Variants in BAIAP2L1 observed in about 807,000 individuals in gnomAD.
BAIAP2L1 encodes the protein BAR/IMD domain containing adaptor protein 2 like 1.
A neutral mutation model predicts 66.3 loss-of-function variants in BAIAP2L1; 35 were observed. That is an observed-to-expected ratio of 0.53 (90% CI 0.40 to 0.70). The LOEUF (loss-of-function observed/expected upper bound fraction) is 0.70. BAIAP2L1 is among the 30% of genes least tolerant of loss of function. BAIAP2L1 has a pLI of 0.00. For synonymous variants in BAIAP2L1, 269 were observed against 248.7 expected (o/e 1.08, Z -0.77); for missense variants, 622 against 656.9 (o/e 0.95, Z 0.58).
At chr7:98,327,904 A>G (rs1801409547) in intron 3 of BAIAP2L1, among the ~76,000 whole-genome samples, 2 of 152,296 alleles carry the variant, frequency 1.3e-5, no homozygotes, top group South Asian at 4.1e-4. Context: ...AATATTATTA[A>G]CGCTTTGCTT....
chr7:98,378,049 T>C (rs889550856), intron 1 of BAIAP2L1, among the ~76,000 whole-genome samples: 4 of 151,260 alleles, frequency 2.6e-5, no homozygotes, highest in Admixed American at 2.0e-4. Flanking sequence ...TGTGGGAAGC[T>C]GAGACAGGAG....
chr7:98,323,216 T>C (rs1801296864), intron 3 of BAIAP2L1: 1 of 152,192 alleles, frequency 6.6e-6, no homozygotes, highest in South Asian at 2.1e-4. Flanking sequence ...GCCAAGAGCA[T>C]AATTCCATTA....
In BAIAP2L1 at chr7:98,292,965, TGGGG is replaced by T; in HGVS notation, c.*552_*555del. The T allele has an allele frequency of 8.2e-7, 1 of 1,215,034 alleles. No individual in the cohort carries two copies. The highest frequency in any genetic ancestry group is 1.0e-6 in the Non-Finnish European group (1 of 975,668). The allele number at this position is 1,215,034 out of a possible 1,614,324, so 75.3% of individuals were successfully genotyped here. ...AGCTCTGGCGTGGTTGGAGGGAGGGTGGGGGTTTCTCCATCTCTGGAAGCTCTAC... is the reference window on the plus strand; with the variant it reads ...AGCTCTGGCGTGGTTGGAGGGAGGGTGTTTCTCCATCTCTGGAAGCTCTAC... On this transcript the variant is annotated 3_prime_UTR_variant, in exon 14 of 14. Coordinates refer to ENST00000005260, the MANE Select transcript of BAIAP2L1 (RefSeq NM_018842.5).
At chr7:98,360,116 A>AT (rs1361180880) in intron 2 of BAIAP2L1, among the ~76,000 whole-genome samples, 1 of 151,530 alleles carries the variant, frequency 6.6e-6, no homozygotes, top group East Asian at 1.9e-4. Flanking sequence ...AGAGACAGGG[A>AT]TTTACCATTT....
In BAIAP2L1 at chr7:98,317,209, A is replaced by T; in HGVS notation, c.486+10T>A. On this transcript the variant is annotated intron_variant, in intron 6 of 13. Coordinates refer to ENST00000005260, the MANE Select transcript of BAIAP2L1 (RefSeq NM_018842.5). ...AACAAAAGAAAACAAGATATTGTTGAAAAGCTCACCTCAATTTCTTTGTGT... is the reference window on the plus strand; with the variant it reads ...AACAAAAGAAAACAAGATATTGTTGTAAAGCTCACCTCAATTTCTTTGTGT... The T allele has an allele frequency of 6.2e-7, 1 of 1,614,138 alleles. No homozygotes were observed. The highest frequency in any genetic ancestry group is 8.5e-7 in the Non-Finnish European group (1 of 1,180,008).
chr7:98,377,063 CAG>C (rs1417547113), intron 1 of BAIAP2L1, among the ~76,000 whole-genome samples: 2 of 152,076 alleles, frequency 1.3e-5, no homozygotes, highest in Non-Finnish European at 2.9e-5. Flanking sequence ...TTAAGGGCTA[CAG>C]AGTCAGCTCC....
At chr7:98,320,333 A>G in intron 3 of BAIAP2L1, 35 bp from the exon 4 acceptor site, 1 of 1,502,146 alleles carries the variant, frequency 6.7e-7, no homozygotes, top group Non-Finnish European at 9.1e-7. Context: ...GCGGGAAGCC[A>G]TTGCGTATTT....
Position 98,293,011 on chromosome 7 carries a change from T to A in BAIAP2L1, c.*510A>T. On this transcript the variant is annotated 3_prime_UTR_variant, in exon 14 of 14. Coordinates refer to ENST00000005260, the MANE Select transcript of BAIAP2L1 (RefSeq NM_018842.5). ...AAGCTCTACACTTAAACATTTTAAGTTAAATTACATTTATATAGTATTTTC... is the reference window on the plus strand; with the variant it reads ...AAGCTCTACACTTAAACATTTTAAGATAAATTACATTTATATAGTATTTTC... The A allele has an allele frequency of 9.3e-7, 1 of 1,070,022 alleles. No homozygotes were observed. 66.3% of individuals were successfully genotyped at this position (1,070,022 alleles called of 1,614,324 possible).
chr7:98,332,067 C>T (rs560881435), intron 3 of BAIAP2L1, among the ~76,000 whole-genome samples: 9 of 151,958 alleles, frequency 5.9e-5, no homozygotes, highest in East Asian at 3.9e-4. Context: ...TCACATAGGT[C>T]GGAACTTTGG....
Position 98,370,372 on chromosome 7 carries a change from C to CAAA in BAIAP2L1, c.52-7943_52-7941dup, listed in dbSNP as rs397890051. Among the ~76,000 whole-genome samples, 56 of 103,170 alleles carry CAAA rather than the reference C, an allele frequency of 5.4e-4. 2 individuals carry two copies. The highest frequency in any genetic ancestry group is 1.1e-3 in the African/African-American group (28 of 25,024). The allele number at this position is 103,170 out of a possible 152,430, so 67.7% of individuals were successfully genotyped here. A position where few individuals can be genotyped will look rare whatever the true frequency, so the allele number is the denominator to read the frequency against. On this transcript the variant is annotated intron_variant, in intron 1 of 13. Transcript: ENST00000005260. ...CTGGCAACAGAGTAAGGCTCCGTCT[C>CAAA]AAAAAAAAAAAAAAAAAAAGATTTG...
intron 12 of BAIAP2L1, among the ~76,000 whole-genome samples, chr7:98,297,078 T>G (rs1376305681): frequency 6.6e-6 from 1 of 152,218 alleles, no homozygotes; most frequent in African/African-American, 2.4e-5. Flanking sequence ...AGGAGACCAC[T>G]AAGGCCACGA....
intron 7 of BAIAP2L1, among the ~76,000 whole-genome samples, chr7:98,315,176 C>T (rs1374751118): frequency 2.0e-5 from 3 of 152,280 alleles, no homozygotes; most frequent in East Asian, 3.9e-4. Flanking sequence ...GGTTGGAGTG[C>T]AGTGGCACAA....
At chr7:98,335,019 G>A (rs1233476798) in intron 3 of BAIAP2L1, among the ~76,000 whole-genome samples, 1 of 150,516 alleles carries the variant, frequency 6.6e-6, no homozygotes, top group Non-Finnish European at 1.5e-5. Flanking sequence ...CGGGCGTGGT[G>A]GCGGGTGCCT....
In BAIAP2L1 at chr7:98,364,986, C is replaced by CAAAAAAAAAAAA. The variant is rs531177927; in HGVS notation, c.52-2566_52-2555dup. Reference sequence around the variant, plus strand: ...TGGGTGACAGAGTGAGGATATGTCTCAAAAAAAAAAAAAAAAAAAAAAAAA... The same window carrying CAAAAAAAAAAAA: ...TGGGTGACAGAGTGAGGATATGTCTCAAAAAAAAAAAAAAAAAAAAAAAAAAAAAAAAAAAAA... On this transcript the variant is annotated intron_variant, in intron 1 of 13. Transcript: ENST00000005260. Among the ~76,000 whole-genome samples the CAAAAAAAAAAAA allele has an allele frequency of 1.8e-3, 56 of 30,800 alleles. 11 individuals are homozygous for CAAAAAAAAAAAA. The highest frequency in any genetic ancestry group is 2.5e-3 in the East Asian group (2 of 788). 20.2% of individuals were successfully genotyped at this position (30,800 alleles called of 152,430 possible).
At chr7:98,373,019 T>C (rs36099592) in intron 1 of BAIAP2L1, among the ~76,000 whole-genome samples, 58,498 of 152,030 alleles carry the variant, frequency 0.38, 12,631 homozygotes, top group Middle Eastern at 0.55. Context: ...GGACTACAGG[T>C]GCGAGCCAGC....
chr7:98,343,252 C>T (rs1239060675), intron 3 of BAIAP2L1, among the ~76,000 whole-genome samples: 9 of 60,166 alleles, frequency 1.5e-4, no homozygotes, highest in Non-Finnish European at 4.3e-4. Flanking sequence ...AAAAAATACA[C>T]ACACACACAC....
chr7:98,357,370 C>T lies in BAIAP2L1; in HGVS notation c.128-2242G>A, dbSNP rs375080945. Among the ~76,000 whole-genome samples, 11 of 150,266 alleles carry T rather than the reference C, an allele frequency of 7.3e-5. No homozygotes were observed. The East Asian group carries it at 2.0e-3, about 27-fold the overall frequency. On this transcript the variant is annotated intron_variant, in intron 2 of 13. Transcript: ENST00000005260. ...GATCACGAGGTCAAGAGATTAAGAC[C>T]GTCCTGGCCAACATGGTGAAATCCC...
intron 3 of BAIAP2L1, among the ~76,000 whole-genome samples, chr7:98,337,848 G>A (rs1385602099): frequency 6.6e-6 from 1 of 152,168 alleles, no homozygotes; most frequent in African/African-American, 2.4e-5. Flanking sequence ...AACCCAGGAG[G>A]TGGAGGTTGC....
intron 5 of BAIAP2L1, among the ~76,000 whole-genome samples, chr7:98,319,823 T>C (rs1801193549): frequency 6.6e-6 from 1 of 152,188 alleles, no homozygotes; most frequent in South Asian, 2.1e-4. Flanking sequence ...AGTGCTGGGA[T>C]TACAGGCATG....
Sources: gnomAD v4.1 joint callset for allele counts (sites outside exome capture counted in the v4.1 genomes callset) on GRCh38, gnomAD v4.1.1 for gene constraint, MANE v1.5 for transcripts, NCBI Gene and HGNC (gene_info 2026-07-23, HGNC 2026-07-21) for gene names.